The following GDF2 variants were observed in gnomAD, a reference collection of about 807,000 sequenced individuals.
The protein encoded by GDF2 is growth differentiation factor 2.
Under a neutral mutation model 16.9 loss-of-function variants are expected in GDF2, and 17 were observed. That is an observed-to-expected ratio of 1.00 (90% CI 0.69 to 1.51). The LOEUF (loss-of-function observed/expected upper bound fraction) is 1.51, where lower values mean the gene tolerates loss of function less well. Among genes scored for constraint, GDF2 ranks in the 40% most tolerant of loss-of-function variants. GDF2 has a pLI of 0.00. For synonymous variants in GDF2, 276 were observed against 237.6 expected (o/e 1.16, Z -1.49); for missense variants, 523 against 556.3 (o/e 0.94, Z 0.60).
intron 1 of GDF2, among the ~76,000 whole-genome samples, chr10:47,323,627 A>G (rs1212163882): frequency 6.6e-6 from 1 of 152,280 alleles, no homozygotes; most frequent in Non-Finnish European, 1.5e-5. Flanking sequence ...GGACTAGAAG[A>G]TAACAAACAC....
Position 47,325,484 on chromosome 10 carries a change from C to A in GDF2, c.990C>A (p.Thr330=). The A allele has an allele frequency of 6.2e-7, 1 of 1,614,036 alleles. No individual in the cohort carries two copies. Among genetic ancestry groups the A allele is most frequent in the Non-Finnish European group, 8.5e-7 (1 of 1,180,046 alleles). Residue 330 remains threonine, a synonymous_variant, in exon 2 of 2, where the codon ACC becomes ACA. Coordinates refer to ENST00000581492, the MANE Select transcript of GDF2 (RefSeq NM_016204.4). The part of the protein sequence containing the change: ...SAGAGSHCQK[T]SLRVNFEDIG... ...GGGCTGGCAGCCACTGTCAAAAGACCTCCCTGCGGGTAAACTTCGAGGACA... is the reference window on the plus strand; with the variant it reads ...GGGCTGGCAGCCACTGTCAAAAGACATCCCTGCGGGTAAACTTCGAGGACA...
In GDF2 at chr10:47,326,517, C is replaced by A. The variant is rs782441230; in HGVS notation, c.*733C>A. On this transcript the variant is annotated 3_prime_UTR_variant, in exon 2 of 2. Coordinates refer to ENST00000581492, the MANE Select transcript of GDF2 (RefSeq NM_016204.4). Reference sequence around the variant, plus strand: ...CGTGGTCTGGCCACTGTTGCCAGTGCTCACTCAGCGGCCACATGCTTTTTA... The same window carrying A: ...CGTGGTCTGGCCACTGTTGCCAGTGATCACTCAGCGGCCACATGCTTTTTA... Among the ~76,000 whole-genome samples, 2 of 152,230 alleles carry A rather than the reference C, an allele frequency of 1.3e-5. No homozygotes were observed. Among genetic ancestry groups the A allele is most frequent in the African/African-American group, 2.4e-5 (1 of 41,462 alleles).
At position 47,325,247 on chromosome 10, in the gene GDF2, G is replaced by T. The variant is rs781974699; in HGVS notation, c.753G>T (p.Leu251=). 6.2e-7 allele frequency: 1 copy of T among 1,614,164 alleles called. No homozygotes were observed. The highest frequency in any genetic ancestry group is 2.2e-5 in the East Asian group (1 of 44,874). The change falls in exon 2 of 2, where the codon CTG becomes CTT. Residue 251 remains leucine (L), a synonymous_variant. Coordinates refer to ENST00000581492, the MANE Select transcript of GDF2 (RefSeq NM_016204.4). ...DISVPPGSRN[L]PFFVVFSNDH... ...GTGTCCCCCCAGGTTCCAGAAACCT[G>T]CCCTTCTTTGTTGTCTTCTCCAATG...
chr10:47,325,732 C>A lies in GDF2; in HGVS notation c.1238C>A (p.Thr413Asn), dbSNP rs1555209094. 3.2e-6 allele frequency: 5 copies of A among 1,574,170 alleles called. No homozygotes were observed. Among genetic ancestry groups the A allele is most frequent in the Non-Finnish European group, 4.3e-6 (5 of 1,158,278 alleles). ...TACAAGGATGACATGGGGGTGCCCA[C>A]CCTCAAGTACCATTACGAGGGCATG... Reference protein sequence around the residue: ...VLYKDDMGVPTLKYHYEGMSV... With the variant: ...VLYKDDMGVPNLKYHYEGMSV... Residue 413 changes from threonine (T) to asparagine (N), a missense_variant, in exon 2 of 2, where the codon ACC becomes AAC. Thr to Asn is a moderately conservative substitution (Grantham distance 65). Coordinates refer to ENST00000581492, the MANE Select transcript of GDF2 (RefSeq NM_016204.4).
rs147867422 is a variant in GDF2 at position 47,325,455 on chromosome 10, G to T, written c.961G>T (p.Ala321Ser). 1.2e-6 allele frequency: 2 copies of T among 1,613,722 alleles called. No individual in the cohort carries two copies. Among genetic ancestry groups the T allele is most frequent in the East Asian group, 4.5e-5 (2 of 44,864 alleles). ...GSTLARRKRS[A>S]GAGSHCQKTS... ...GACTTTAGCCAGGCGGAAAAGGAGC[G>T]CCGGGGCTGGCAGCCACTGTCAAAA... The change falls in exon 2 of 2, where the codon GCC (alanine) becomes TCC (serine). Residue 321 changes from alanine to serine, a missense_variant. By Grantham distance (99) the Ala-to-Ser change is moderately conservative (BLOSUM62 1). Coordinates refer to ENST00000581492, the MANE Select transcript of GDF2 (RefSeq NM_016204.4).
chr10:47,323,184 A>T (rs1229504250), intron 1 of GDF2, among the ~76,000 whole-genome samples, 170 bp downstream of exon 1: 3 of 152,210 alleles, frequency 2.0e-5, no homozygotes, highest in Non-Finnish European at 4.4e-5. Flanking sequence ...GCTTCCTTTC[A>T]AATGCGTGGC....
chr10:47,322,843 C>T lies in GDF2; in HGVS notation c.175C>T (p.Leu59=). ...PEHTFNLKMF[L]ENVKVDFLRS... is the part of the protein sequence containing the mutation. ...GCACACCTTCAACCTGAAGATGTTT[C>T]TGGAGAACGTGAAGGTGGATTTCCT... The change falls in exon 1 of 2, where the codon CTG becomes TTG. Residue 59 remains leucine (L), a synonymous_variant. Coordinates refer to ENST00000581492, the MANE Select transcript of GDF2 (RefSeq NM_016204.4). 1 of 1,614,152 alleles carries T rather than the reference C, an allele frequency of 6.2e-7. No individual in the cohort carries two copies. Among genetic ancestry groups the T allele is most frequent in the Non-Finnish European group, 8.5e-7 (1 of 1,180,020 alleles).
chr10:47,324,933 A>G lies in GDF2; in HGVS notation c.439A>G (p.Arg147Gly), dbSNP rs1555208872. ...CATTCCTAGGCATGAGCAGATCACC[A>G]GAGCTGAGCTCCGACTCTATGTCTC... is the stretch of plus-strand genomic sequence containing the variant. ...ISIPRHEQIT[R>G]AELRLYVSCQ... Residue 147 changes from arginine to glycine, a missense_variant, in exon 2 of 2, where the codon AGA (arginine) becomes GGA (glycine). By Grantham distance (125) the Arg-to-Gly change is moderately radical (BLOSUM62 -2). Coordinates refer to ENST00000581492, the MANE Select transcript of GDF2 (RefSeq NM_016204.4). The G allele has an allele frequency of 6.2e-7, 1 of 1,614,048 alleles. No individual in the cohort carries two copies. Among genetic ancestry groups the G allele is most frequent in the Admixed American group, 1.7e-5 (1 of 60,020 alleles).
chr10:47,323,597 G>T (rs989568871), intron 1 of GDF2, among the ~76,000 whole-genome samples: 5 of 152,198 alleles, frequency 3.3e-5, no homozygotes, highest in African/African-American at 1.2e-4. Context: ...TTTTTAAATA[G>T]AAATATATCT....
At position 47,325,776 on chromosome 10, in the gene GDF2, T is replaced by C. The variant is rs1555209110; in HGVS notation, c.1282T>C (p.Cys428Arg). The C allele has an allele frequency of 1.3e-6, 2 of 1,539,832 alleles. No individual in the cohort carries two copies. Among genetic ancestry groups the C allele is most frequent in the Non-Finnish European group, 1.8e-6 (2 of 1,142,732 alleles). ...YEGMSVAECG[C>R]R Reference sequence around the variant, plus strand: ...GGGCATGAGCGTGGCAGAGTGTGGGTGCAGGTAGTATCTGCCTGCGGGGCT... The same window carrying C: ...GGGCATGAGCGTGGCAGAGTGTGGGCGCAGGTAGTATCTGCCTGCGGGGCT... Residue 428 changes from cysteine to arginine, a missense_variant, in exon 2 of 2, where the codon TGC (cysteine) becomes CGC (arginine). Coordinates refer to ENST00000581492, the MANE Select transcript of GDF2 (RefSeq NM_016204.4).
At chr10:47,323,136 A>G (rs2061091272) in intron 1 of GDF2, 122 bp downstream of exon 1, 1 of 645,754 alleles carries the variant, frequency 1.5e-6, no homozygotes, top group Non-Finnish European at 2.6e-6. Context: ...ATTAGTTACA[A>G]TGAAATAAAA....
chr10:47,326,011 T>G lies in GDF2; in HGVS notation c.*227T>G. The G allele has an allele frequency of 2.3e-6, 1 of 440,522 alleles. No homozygotes were observed. The highest frequency in any genetic ancestry group is 7.4e-5 in the South Asian group (1 of 13,502). 27.3% of individuals were successfully genotyped at this position (440,522 alleles called of 1,614,324 possible). On this transcript the variant is annotated 3_prime_UTR_variant, in exon 2 of 2. Coordinates refer to ENST00000581492, the MANE Select transcript of GDF2 (RefSeq NM_016204.4). ...AGCACAACAGGAAAGCCTGGGAGGG[T>G]TGTTGGGATGCAAGGAGGTGATGAA...
In GDF2 at chr10:47,323,032, AC is replaced by A; in HGVS notation, c.346+20del. 1 of 1,558,454 alleles carries A rather than the reference AC, an allele frequency of 6.4e-7. No individual in the cohort carries two copies. The highest frequency in any genetic ancestry group is 1.3e-5 in the African/African-American group (1 of 74,294). ...CATGGAAGGTAGGGTCTCCGCTTGCACCATGCGCGCTGGGGTGGGACTCACA... is the reference window on the plus strand; with the variant it reads ...CATGGAAGGTAGGGTCTCCGCTTGCACATGCGCGCTGGGGTGGGACTCACA... On this transcript the variant is annotated intron_variant, in intron 1 of 1. Coordinates refer to ENST00000581492, the MANE Select transcript of GDF2 (RefSeq NM_016204.4).
In GDF2 at chr10:47,325,597, T is replaced by C. The variant is rs558927349; in HGVS notation, c.1103T>C (p.Val368Ala). 19 of 1,614,126 alleles carry C rather than the reference T, an allele frequency of 1.2e-5. No homozygotes were observed. The South Asian group carries it at 2.0e-4, about 17-fold the overall frequency. Residue 368 changes from valine (V) to alanine (A), a missense_variant, in exon 2 of 2, where the codon GTG (valine) becomes GCG (alanine). Transcript: ENST00000581492. ...TGCTTCTTCCCCTTGGCTGACGATG[T>C]GACGCCGACGAAACACGCTATCGTG... ...GGCFFPLADD[V>A]TPTKHAIVQT...
chr10:47,326,000 G>T lies in GDF2; in HGVS notation c.*216G>T, dbSNP rs61106675. The T allele has an allele frequency of 5.3e-3, 2,423 of 457,222 alleles. 40 individuals are homozygous for T. Among genetic ancestry groups the T allele is most frequent in the African/African-American group, 0.043 (2,194 of 51,416 alleles). The allele number at this position is 457,222 out of a possible 1,614,324, so 28.3% of individuals were successfully genotyped here. A position where few individuals can be genotyped will look rare whatever the true frequency, so the allele number is the denominator to read the frequency against. On this transcript the variant is annotated 3_prime_UTR_variant, in exon 2 of 2. Transcript: ENST00000581492. ...ATGGGGATTTGAGCACAACAGGAAA[G>T]CCTGGGAGGGTTGTTGGGATGCAAG... is the stretch of plus-strand genomic sequence containing the variant.
rs1565753894 is a variant in GDF2 at position 47,322,873 on chromosome 10, A to C, written c.205A>C (p.Ser69Arg). ...GAACGTGAAGGTGGATTTCCTGCGC[A>C]GCCTTAACCTGAGTGGGGTCCCTTC... ...LENVKVDFLR[S>R]LNLSGVPSQD... The change falls in exon 1 of 2, where the codon AGC (serine) becomes CGC (arginine). Residue 69 changes from serine to arginine, a missense_variant. By Grantham distance (110) the Ser-to-Arg change is moderately radical. Coordinates refer to ENST00000581492, the MANE Select transcript of GDF2 (RefSeq NM_016204.4). 9 of 1,614,188 alleles carry C rather than the reference A, an allele frequency of 5.6e-6. No homozygotes were observed. Among genetic ancestry groups the C allele is most frequent in the Non-Finnish European group, 7.6e-6 (9 of 1,180,022 alleles).
At position 47,322,776 on chromosome 10, in the gene GDF2, C is replaced by G; in HGVS notation, c.108C>G (p.Asn36Lys). ...GGGGACGAGGGTCTGCTGGGGGAAA[C>G]GCCCACAGCCCACTGGGGGTGCCTG... is the stretch of plus-strand genomic sequence containing the variant. ...QSWGRGSAGGNAHSPLGVPGG... is the reference protein window; with the variant it reads ...QSWGRGSAGGKAHSPLGVPGG... Residue 36 changes from asparagine to lysine, a missense_variant, in exon 1 of 2, where the codon AAC becomes AAG. Transcript: ENST00000581492. The G allele has an allele frequency of 6.2e-7, 1 of 1,612,882 alleles. No individual in the cohort carries two copies. The highest frequency in any genetic ancestry group is 8.5e-7 in the Non-Finnish European group (1 of 1,179,276).
chr10:47,325,406 G>T lies in GDF2; in HGVS notation c.912G>T (p.Thr304=). 2 of 1,614,040 alleles carry T rather than the reference G, an allele frequency of 1.2e-6. No homozygotes were observed. Among genetic ancestry groups the T allele is most frequent in the Non-Finnish European group, 1.7e-6 (2 of 1,180,038 alleles). The change falls in exon 2 of 2, where the codon ACG becomes ACT. Residue 304 remains threonine (T), a synonymous_variant. Coordinates refer to ENST00000581492, the MANE Select transcript of GDF2 (RefSeq NM_016204.4). ...EAGESSHEED[T]DGHVAAGSTL... is the part of the protein sequence containing the mutation. ...GTGAGAGCAGTCACGAGGAGGACAC[G>T]GATGGCCACGTGGCTGCGGGGTCGA...
rs2061107247 is a variant in GDF2, at chr10:47,326,357, A to G, written c.*573A>G. On this transcript the variant is annotated 3_prime_UTR_variant, in exon 2 of 2. Coordinates refer to ENST00000581492, the MANE Select transcript of GDF2 (RefSeq NM_016204.4). ...GACACCAAAGCCCAGGATCTTCCCA[A>G]GTGCCCTGCTGCAGTTTAGCAGGTC... is the stretch of plus-strand genomic sequence containing the variant. The G allele has an allele frequency of 6.6e-6, 1 of 152,320 alleles. No individual in the cohort carries two copies. The highest frequency in any genetic ancestry group is 2.1e-4 in the South Asian group (1 of 4,838). The allele number at this position is 152,320 out of a possible 1,614,324, so 9.4% of individuals were successfully genotyped here. A position where few individuals can be genotyped will look rare whatever the true frequency, so the allele number is the denominator to read the frequency against.
Sources: allele counts gnomAD v4.1 joint callset (sites outside exome capture counted in the v4.1 genomes callset), GRCh38; gene constraint gnomAD v4.1.1; transcripts MANE v1.5; gene names NCBI Gene and HGNC (gene_info 2026-07-23, HGNC 2026-07-21).